The following ZDHHC14 variants were observed in gnomAD, a reference collection of about 807,000 sequenced individuals.
ZDHHC14 encodes zDHHC palmitoyltransferase 14.
A neutral mutation model predicts 47.7 loss-of-function variants in ZDHHC14; 16 were observed. The ratio of observed to expected loss-of-function variants is 0.34; its 90% CI spans 0.23 to 0.51. The LOEUF is 0.51. Among genes scored for constraint, ZDHHC14 ranks in the 20% least tolerant of loss-of-function variants. ZDHHC14 has a pLI of 0.97. For synonymous variants in ZDHHC14, 293 were observed against 278.9 expected, an observed-to-expected ratio of 1.05 and a Z score of -0.50; for missense variants, 515 against 662.5, an observed-to-expected ratio of 0.78 and a Z score of 2.44.
At chr6:157,443,874 G>A (rs1778607363) in intron 1 of ZDHHC14, among the ~76,000 whole-genome samples, 1 of 152,098 alleles carries the variant, frequency 6.6e-6, no homozygotes, top group Non-Finnish European at 1.5e-5. Context: ...TGCCTTCTAG[G>A]GTTCTGCTTC....
At chr6:157,550,846 G>A (rs748677017) in intron 2 of ZDHHC14, among the ~76,000 whole-genome samples, 3 of 152,170 alleles carry the variant, frequency 2.0e-5, no homozygotes, top group Non-Finnish European at 4.4e-5. Context: ...TGTTGAGCTG[G>A]CACGATGATG....
At chr6:157,578,052 T>C (rs1399900008) in intron 2 of ZDHHC14, among the ~76,000 whole-genome samples, 1 of 152,200 alleles carries the variant, frequency 6.6e-6, no homozygotes, top group Non-Finnish European at 1.5e-5. Context: ...TGTTTTTTTT[T>C]CTTGTAAATT....
chr6:157,616,615 C>G (rs1224579118), intron 3 of ZDHHC14, among the ~76,000 whole-genome samples: 2 of 152,078 alleles, frequency 1.3e-5, no homozygotes, highest in Non-Finnish European at 2.9e-5. Context: ...GAGTGTGTAC[C>G]GTAGACCAGA....
At chr6:157,607,385 CT>C (rs1030273645) in intron 3 of ZDHHC14, among the ~76,000 whole-genome samples, 1 of 152,084 alleles carries the variant, frequency 6.6e-6, no homozygotes, top group Non-Finnish European at 1.5e-5. Flanking sequence ...TTTAAAGGCT[CT>C]TTTTTTAAAA....
intron 2 of ZDHHC14, 114 bp downstream of exon 2, chr6:157,542,859 G>A (rs1781825598): frequency 7.5e-7 from 1 of 1,334,298 alleles, no homozygotes; most frequent in East Asian, 2.5e-5. Context: ...GAAGGAAGGA[G>A]GCCAGAAGTC....
intron 1 of ZDHHC14, among the ~76,000 whole-genome samples, chr6:157,397,442 T>G (rs1434469840): frequency 1.3e-5 from 2 of 152,174 alleles, no homozygotes; most frequent in Non-Finnish European, 2.9e-5. Flanking sequence ...TCCTTGCCTT[T>G]TTCGGCTTCT....
chr6:157,519,420 G>A (rs1321097110), intron 1 of ZDHHC14, among the ~76,000 whole-genome samples: 5 of 151,428 alleles, frequency 3.3e-5, no homozygotes, highest in East Asian at 3.9e-4. Flanking sequence ...GGAGGCCTTC[G>A]CTTAGGCTGC....
intron 2 of ZDHHC14, among the ~76,000 whole-genome samples, chr6:157,590,861 CT>C (rs1783881503): frequency 6.6e-6 from 1 of 152,250 alleles, no homozygotes; most frequent in Non-Finnish European, 1.5e-5. Context: ...GGGTTGTACC[CT>C]GCAAAGTCAT....
chr6:157,545,618 C>T (rs749142028), intron 2 of ZDHHC14, among the ~76,000 whole-genome samples: 4 of 151,680 alleles, frequency 2.6e-5, no homozygotes, highest in Non-Finnish European at 5.9e-5. Context: ...GCAGAGCTTG[C>T]AGCCGAGATC....
At chr6:157,602,810 G>A (rs1784387804) in intron 3 of ZDHHC14, among the ~76,000 whole-genome samples, 2 of 152,212 alleles carry the variant, frequency 1.3e-5, no homozygotes, top group African/African-American at 2.4e-5. Flanking sequence ...GCTGGGTTCT[G>A]CTGCTGCTGA....
chr6:157,465,603 T>TAA (rs772324472), intron 1 of ZDHHC14, among the ~76,000 whole-genome samples: 7 of 143,272 alleles, frequency 4.9e-5, no homozygotes, highest in African/African-American at 1.3e-4. Context: ...CAAGAGATGC[T>TAA]AAAAAAAAAA....
chr6:157,548,508 G>A (rs1055896605), intron 2 of ZDHHC14, among the ~76,000 whole-genome samples: 8 of 152,092 alleles, frequency 5.3e-5, no homozygotes, highest in East Asian at 1.9e-4. Context: ...GTGCAATGGC[G>A]CGATCTCAGC....
At chr6:157,438,633 C>T (rs999847401) in intron 1 of ZDHHC14, among the ~76,000 whole-genome samples, 5 of 152,218 alleles carry the variant, frequency 3.3e-5, no homozygotes, top group African/African-American at 7.2e-5. Context: ...TCGTACAAGA[C>T]GCTTGTGTCT....
chr6:157,590,955 T>C (rs1417284725), intron 2 of ZDHHC14, among the ~76,000 whole-genome samples: 1 of 152,216 alleles, frequency 6.6e-6, no homozygotes, highest in African/African-American at 2.4e-5. Context: ...CAAAGGAGAT[T>C]ATTTTGGAAC....
Position 157,381,505 on chromosome 6 carries a change from G to A in ZDHHC14, c.-517G>A. 1 of 405,592 alleles carries A rather than the reference G, an allele frequency of 2.5e-6. No homozygotes were observed. The highest frequency in any genetic ancestry group is 4.9e-6 in the Non-Finnish European group (1 of 203,240). The allele number at this position is 405,592 out of a possible 1,614,324, so 25.1% of individuals were successfully genotyped here. ...CGCCCAGTCGCCAGCGCTCTCTCCT[G>A]GGAGGATCCGCTGCCGGAGGAAGGA... On this transcript the variant is annotated 5_prime_UTR_variant, in exon 1 of 9. Coordinates refer to ENST00000359775, the MANE Select transcript of ZDHHC14 (RefSeq NM_024630.3).
At chr6:157,585,413 C>CAAAAAAAAAA (rs111505965) in intron 2 of ZDHHC14, among the ~76,000 whole-genome samples, 1 of 98,836 alleles carries the variant, frequency 1.0e-5, no homozygotes, top group Non-Finnish European at 2.3e-5. Context: ...ACCAAAAATA[C>CAAAAAAAAAA]AAAAAAAAAA....
chr6:157,566,709 C>A (rs113220266), intron 2 of ZDHHC14, among the ~76,000 whole-genome samples: 2,138 of 152,264 alleles, frequency 0.014, 61 homozygotes, highest in African/African-American at 0.048. Flanking sequence ...CCATAGTGAG[C>A]CTTCGAGGAG....
rs1032984514 is a variant in ZDHHC14, at chr6:157,381,911, G to A, written c.-111G>A. 58 of 926,228 alleles carry A rather than the reference G, an allele frequency of 6.3e-5. 1 individual carries two copies. The Admixed American group carries it at 3.7e-3, about 58-fold the overall frequency. The allele number at this position is 926,228 out of a possible 1,614,324, so 57.4% of individuals were successfully genotyped here. A position where few individuals can be genotyped will look rare whatever the true frequency, so the allele number is the denominator to read the frequency against. ...GCCGGGAGCCCGTGTAGGGGCCGCG[G>A]CGCCGCGGCTCGGGGGGCGGCCGGG... On this transcript the variant is annotated 5_prime_UTR_variant, in exon 1 of 9. Coordinates refer to ENST00000359775, the MANE Select transcript of ZDHHC14 (RefSeq NM_024630.3).
chr6:157,486,174 T>A (rs1018627556), intron 1 of ZDHHC14, among the ~76,000 whole-genome samples: 1 of 152,202 alleles, frequency 6.6e-6, no homozygotes, highest in Admixed American at 6.5e-5. Context: ...TCTCTAGGTG[T>A]GTTCTTGGTG....
Sources: gnomAD v4.1 joint callset for allele counts (sites outside exome capture counted in the v4.1 genomes callset) on GRCh38, gnomAD v4.1.1 for gene constraint, MANE v1.5 for transcripts, NCBI Gene and HGNC (gene_info 2026-07-23, HGNC 2026-07-21) for gene names.